BBX: variants seen among roughly 807,000 people sequenced by gnomAD.
BBX encodes HMG box transcription factor BBX.
BBX carries 30 observed loss-of-function variants against 100.2 expected under a neutral mutation model. That is an observed-to-expected ratio of 0.30 (90% CI 0.22 to 0.41). BBX has a LOEUF of 0.41. Among genes scored for constraint, BBX ranks in the 10% least tolerant of loss-of-function variants. The pLI, the probability that BBX is intolerant of heterozygous loss-of-function variation, is 1.00. For synonymous variants in BBX, 376 were observed against 388.1 expected, an observed-to-expected ratio of 0.97 and a Z score of 0.37; for missense variants, 1,023 against 1,129.8, an observed-to-expected ratio of 0.91 and a Z score of 1.35.
At chr3:107,562,400 C>T (rs1354073291) in intron 2 of BBX, among the ~76,000 whole-genome samples, 2 of 151,960 alleles carry the variant, frequency 1.3e-5, no homozygotes, top group Non-Finnish European at 2.9e-5. Context: ...GAGGCTGAGT[C>T]ATTGCTTTAG....
At chr3:107,613,696 T>G (rs1418641587) in intron 2 of BBX, among the ~76,000 whole-genome samples, 1 of 152,088 alleles carries the variant, frequency 6.6e-6, no homozygotes, top group African/African-American at 2.4e-5. Context: ...ACATATGCTT[T>G]TTGTTGTAGA....
Position 107,809,728 on chromosome 3 carries a change from C to G in BBX, c.*4271C>G, listed in dbSNP as rs2071217353. 1 of 152,172 alleles carries G rather than the reference C, an allele frequency of 6.6e-6. No individual in the cohort carries two copies. Among genetic ancestry groups the G allele is most frequent in the Non-Finnish European group, 1.5e-5 (1 of 68,030 alleles). The allele number at this position is 152,172 out of a possible 1,614,324, so 9.4% of individuals were successfully genotyped here. ...TGTTACATTTGACCTATAAAGTATT[C>G]AGAGTGACTGCTAGGTAGAAATTAA... On this transcript the variant is annotated 3_prime_UTR_variant, in exon 18 of 18. Transcript: ENST00000325805.
At chr3:107,603,953 C>T (rs1485930836) in intron 2 of BBX, among the ~76,000 whole-genome samples, 1 of 151,968 alleles carries the variant, frequency 6.6e-6, no homozygotes. Flanking sequence ...GTTGGTGAGA[C>T]TTGCCTTCTT....
intron 2 of BBX, among the ~76,000 whole-genome samples, chr3:107,585,504 A>G (rs1414166477): frequency 2.6e-5 from 4 of 152,214 alleles, no homozygotes; most frequent in Non-Finnish European, 5.9e-5. Flanking sequence ...AAGAACAATT[A>G]AAAAGTCTTT....
At chr3:107,649,677 C>G (rs1012973777) in intron 3 of BBX, among the ~76,000 whole-genome samples, 1 of 152,160 alleles carries the variant, frequency 6.6e-6, no homozygotes, top group African/African-American at 2.4e-5. Flanking sequence ...GTCCACACAC[C>G]TGCCAAGGGT....
At chr3:107,759,373 C>G (rs575340245) in intron 10 of BBX, among the ~76,000 whole-genome samples, 9 of 152,268 alleles carry the variant, frequency 5.9e-5, no homozygotes, top group African/African-American at 2.2e-4. Flanking sequence ...GAAGTTCATA[C>G]TGTTCAGTTT....
At chr3:107,720,009 A>G (rs533245139) in intron 5 of BBX, among the ~76,000 whole-genome samples, 1 of 152,166 alleles carries the variant, frequency 6.6e-6, no homozygotes, top group East Asian at 1.9e-4. Flanking sequence ...GACCTTTATC[A>G]TACCCACTGT....
intron 2 of BBX, among the ~76,000 whole-genome samples, chr3:107,532,125 T>C (rs1278348918): frequency 6.6e-6 from 1 of 152,010 alleles, no homozygotes; most frequent in Non-Finnish European, 1.5e-5. Flanking sequence ...GCCCGCACGG[T>C]TGAGGCTGCG....
At chr3:107,765,301 T>C (rs975246213) in intron 10 of BBX, among the ~76,000 whole-genome samples, 1 of 152,158 alleles carries the variant, frequency 6.6e-6, no homozygotes, top group African/African-American at 2.4e-5. Context: ...GCAGTAATTT[T>C]AGCATACACA....
chr3:107,590,219 G>T (rs1357036089), intron 2 of BBX, among the ~76,000 whole-genome samples: 1 of 152,058 alleles, frequency 6.6e-6, no homozygotes, highest in African/African-American at 2.4e-5. Context: ...ACATGGTTAA[G>T]CAGAAATTTA....
chr3:107,635,549 T>C (rs1440810525), intron 2 of BBX, among the ~76,000 whole-genome samples: 1 of 152,188 alleles, frequency 6.6e-6, no homozygotes, highest in Non-Finnish European at 1.5e-5. Context: ...GAAACTGATA[T>C]GTGTAGTAAA....
chr3:107,577,897 T>G (rs908457440), intron 2 of BBX, among the ~76,000 whole-genome samples: 1 of 152,130 alleles, frequency 6.6e-6, no homozygotes, highest in Non-Finnish European at 1.5e-5. Context: ...AGAAGTACTG[T>G]CTTATCTCAA....
intron 13 of BBX, among the ~76,000 whole-genome samples, chr3:107,785,087 C>G (rs923274020): frequency 6.6e-6 from 1 of 150,568 alleles, no homozygotes; most frequent in Non-Finnish European, 1.5e-5. Flanking sequence ...TAAAAAGACA[C>G]AAACTACTGA....
intron 3 of BBX, among the ~76,000 whole-genome samples, chr3:107,671,850 C>G (rs548447173): frequency 1.2e-4 from 18 of 152,112 alleles, no homozygotes; most frequent in South Asian, 4.1e-4. Context: ...AATGACCACA[C>G]GAATGCAGCC....
chr3:107,789,196 A>G (rs751175760), intron 13 of BBX, among the ~76,000 whole-genome samples: 1 of 152,052 alleles, frequency 6.6e-6, no homozygotes, highest in African/African-American at 2.4e-5. Context: ...AAAAATCTCA[A>G]TTTTGTTTCT....
chr3:107,546,429 G>A (rs921396873), intron 2 of BBX, among the ~76,000 whole-genome samples: 1 of 152,114 alleles, frequency 6.6e-6, no homozygotes, highest in Non-Finnish European at 1.5e-5. Flanking sequence ...ATAAAACCCA[G>A]ATTTTTTAGA....
rs1371745597 is a variant in BBX at position 107,623,014 on chromosome 3, C to G, written c.-83-22822C>G. Among the ~76,000 whole-genome samples the G allele has an allele frequency of 2.6e-5, 4 of 152,288 alleles. No homozygotes were observed. The East Asian group carries it at 7.7e-4, about 29-fold the overall frequency. On this transcript the variant is annotated intron_variant, in intron 2 of 17. Coordinates refer to ENST00000325805, the MANE Select transcript of BBX (RefSeq NM_001142568.3). ...GTTCAGCACTCAGTGTCTGCCTATG[C>G]TGTTTAGGATCAGATCCATGCTTGT...
At position 107,789,767 on chromosome 3, in the gene BBX, TATATTA is replaced by T. The variant is rs1305674514; in HGVS notation, c.2204-14_2204-9del. The T allele has an allele frequency of 5.8e-6, 8 of 1,384,890 alleles. No homozygotes were observed. Among genetic ancestry groups the T allele is most frequent in the Non-Finnish European group, 7.8e-6 (8 of 1,025,604 alleles). The allele number at this position is 1,384,890 out of a possible 1,614,324, so 85.8% of individuals were successfully genotyped here. On this transcript the variant is annotated splice_polypyrimidine_tract_variant and intron_variant, in intron 13 of 17. Transcript: ENST00000325805. ...AAACATTGTGAATTTAAAATATATT[TATATTA>T]ATATTGTCTGTAGGTCCTTTCCAGT... is the stretch of plus-strand genomic sequence containing the variant.
intron 3 of BBX, among the ~76,000 whole-genome samples, chr3:107,664,982 A>G (rs1224840242): frequency 1.3e-5 from 2 of 152,026 alleles, no homozygotes; most frequent in Non-Finnish European, 2.9e-5. Context: ...ATTTGTACAC[A>G]CTGTTCCAAT....
Sources: gnomAD v4.1 joint callset for allele counts (sites outside exome capture counted in the v4.1 genomes callset) on GRCh38, gnomAD v4.1.1 for gene constraint, MANE v1.5 for transcripts, NCBI Gene and HGNC (gene_info 2026-07-23, HGNC 2026-07-21) for gene names.